The following WWOX variants were observed in gnomAD, a reference collection of about 807,000 sequenced individuals.
WWOX encodes WW domain containing oxidoreductase, also known as WW domain-containing oxidoreductase.
WWOX carries 69 observed loss-of-function variants against 46.2 expected under a neutral mutation model. The ratio of observed to expected loss-of-function variants is 1.49; its 90% CI spans 1.23 to 1.82. WWOX has a LOEUF of 1.82. Among genes scored for constraint, WWOX ranks in the 40% most tolerant of loss-of-function variants. The pLI, the probability that WWOX is intolerant of heterozygous loss-of-function variation, is 0.00. For missense variants in WWOX, 919 were observed against 542.6 expected (o/e 1.69, Z -6.89); for synonymous variants, 359 against 202.6 (o/e 1.77, Z -6.56).
chr16:78,320,872 C>G (rs1490137393), intron 5 of WWOX, among the ~76,000 whole-genome samples: 1 of 152,162 alleles, frequency 6.6e-6, no homozygotes, highest in African/African-American at 2.4e-5. Context: ...GACTTGATCA[C>G]AAAAATGAAA....
At chr16:79,136,589 G>T (rs959138535) in intron 8 of WWOX, among the ~76,000 whole-genome samples, 10 of 152,124 alleles carry the variant, frequency 6.6e-5, no homozygotes, top group African/African-American at 2.4e-4. Context: ...AAGTGAACAG[G>T]AACTTAAAGC....
At chr16:78,746,016 T>G (rs2049339977) in intron 8 of WWOX, among the ~76,000 whole-genome samples, 1 of 152,136 alleles carries the variant, frequency 6.6e-6, no homozygotes, top group African/African-American at 2.4e-5. Flanking sequence ...GGCCATAATC[T>G]GTATCCATCC....
rs746163299 is a variant in WWOX at position 79,212,194 on chromosome 16, C to A, written c.*398C>A. 1.4e-6 allele frequency: 2 copies of A among 1,462,366 alleles called. No homozygotes were observed. The highest frequency in any genetic ancestry group is 1.8e-6 in the Non-Finnish European group (2 of 1,114,730). The allele number at this position is 1,462,366 out of a possible 1,614,324, so 90.6% of individuals were successfully genotyped here. A position where few individuals can be genotyped will look rare whatever the true frequency, so the allele number is the denominator to read the frequency against. On this transcript the variant is annotated 3_prime_UTR_variant, in exon 9 of 9. Transcript: ENST00000566780. The stretch of plus-strand genomic sequence containing the variant: ...ACCACTGCAGCCGGGGGCTGGCCTT[C>A]TCCTACTTAGGGAAGAAAAAGCAAG...
chr16:78,849,731 C>T (rs76751158), intron 8 of WWOX, among the ~76,000 whole-genome samples: 4 of 151,876 alleles, frequency 2.6e-5, no homozygotes, highest in East Asian at 2.0e-4. Context: ...GAGCAAAGGG[C>T]GAGGTTTATA....
chr16:78,102,112 G>T (rs981184777), intron 1 of WWOX, among the ~76,000 whole-genome samples: 1 of 152,104 alleles, frequency 6.6e-6, no homozygotes, highest in East Asian at 1.9e-4. Context: ...GTAGAAATGG[G>T]GTCTCACCAT....
chr16:78,488,919 G>A lies in WWOX; in HGVS notation c.1056+56167G>A, dbSNP rs187306123. ...TTGTCACTATTATTTTGTTCTTTCT[G>A]CCATTTGGGATGTGCTTTCTGATAA... On this transcript the variant is annotated intron_variant, in intron 8 of 8. Coordinates refer to ENST00000566780, the MANE Select transcript of WWOX (RefSeq NM_016373.4). Among the ~76,000 whole-genome samples, 9 of 152,152 alleles carry A rather than the reference G, an allele frequency of 5.9e-5. No individual in the cohort carries two copies. In the East Asian group the frequency reaches 1.7e-3, roughly 29 times the overall value.
intron 8 of WWOX, among the ~76,000 whole-genome samples, chr16:78,767,170 G>A (rs1421988862): frequency 6.6e-6 from 1 of 151,010 alleles, no homozygotes; most frequent in Non-Finnish European, 1.5e-5. Context: ...GCCCAGGCTG[G>A]GGTGCAGTGG....
intron 8 of WWOX, among the ~76,000 whole-genome samples, chr16:79,191,622 T>C (rs1429954277): frequency 6.6e-6 from 1 of 152,204 alleles, no homozygotes; most frequent in African/African-American, 2.4e-5. Context: ...GGAGAAGGTT[T>C]CTATCAAATC....
At chr16:78,161,918 T>TA (rs1451534775) in intron 4 of WWOX, among the ~76,000 whole-genome samples, 3 of 152,214 alleles carry the variant, frequency 2.0e-5, no homozygotes, top group Non-Finnish European at 2.9e-5. Flanking sequence ...CCTCCTAGGT[T>TA]AAGCATTGTT....
At chr16:78,990,186 CAAAA>C (rs751642031) in intron 8 of WWOX, among the ~76,000 whole-genome samples, 1 of 110,262 alleles carries the variant, frequency 9.1e-6, no homozygotes, top group Non-Finnish European at 2.0e-5. Flanking sequence ...CTTGTCTCAC[CAAAA>C]AAAAAAAAAA....
chr16:78,538,313 C>T (rs929814791), intron 8 of WWOX, among the ~76,000 whole-genome samples: 4 of 150,964 alleles, frequency 2.6e-5, no homozygotes, highest in Admixed American at 6.6e-5. Flanking sequence ...CACCTGGAAG[C>T]TCAGATAGCA....
At chr16:78,304,666 C>G (rs1444949009) in intron 5 of WWOX, among the ~76,000 whole-genome samples, 1 of 152,224 alleles carries the variant, frequency 6.6e-6, no homozygotes, top group Non-Finnish European at 1.5e-5. Context: ...TTCAAGCATT[C>G]TTTGTTGATG....
intron 8 of WWOX, chr16:78,535,506 C>T (rs1300945006): frequency 6.6e-6 from 1 of 152,068 alleles, no homozygotes; most frequent in Non-Finnish European, 1.5e-5. Flanking sequence ...CCTCCCATTA[C>T]CTTGAAGTAG....
At chr16:78,307,458 A>G (rs1047795609) in intron 5 of WWOX, among the ~76,000 whole-genome samples, 3 of 152,106 alleles carry the variant, frequency 2.0e-5, no homozygotes, top group Non-Finnish European at 2.9e-5. Context: ...TGTGACTACG[A>G]AAGAGGAGGA....
At chr16:79,002,145 G>C (rs1291044389) in intron 8 of WWOX, among the ~76,000 whole-genome samples, 1 of 148,286 alleles carries the variant, frequency 6.7e-6, no homozygotes, top group African/African-American at 2.5e-5. Flanking sequence ...TAATGCAAGT[G>C]TATCGACGTG....
chr16:78,748,378 T>A (rs527629709), intron 8 of WWOX, among the ~76,000 whole-genome samples: 2 of 152,340 alleles, frequency 1.3e-5, no homozygotes, highest in African/African-American at 4.8e-5. Context: ...AGTCTTTCAC[T>A]CATTTCTATC....
intron 8 of WWOX, among the ~76,000 whole-genome samples, chr16:79,063,094 C>G (rs1236513914): frequency 6.6e-6 from 1 of 152,202 alleles, no homozygotes; most frequent in Non-Finnish European, 1.5e-5. Context: ...CGCGCCAAAT[C>G]TCCCACCAAA....
At chr16:78,854,368 A>C (rs1338019980) in intron 8 of WWOX, among the ~76,000 whole-genome samples, 1 of 152,238 alleles carries the variant, frequency 6.6e-6, no homozygotes, top group East Asian at 1.9e-4. Context: ...GTCTTTTAGC[A>C]CCAAATGTTT....
At chr16:79,141,486 T>C (rs902327024) in intron 8 of WWOX, among the ~76,000 whole-genome samples, 3 of 152,246 alleles carry the variant, frequency 2.0e-5, no homozygotes, top group African/African-American at 4.8e-5. Flanking sequence ...CACAGACCTG[T>C]CAACATGAAC....
Sources: allele counts gnomAD v4.1 joint callset (sites outside exome capture counted in the v4.1 genomes callset), GRCh38; gene constraint gnomAD v4.1.1; transcripts MANE v1.5; gene names NCBI Gene and HGNC (gene_info 2026-07-23, HGNC 2026-07-21).